Variants in JARID2 observed in about 807,000 individuals in gnomAD.
JARID2 encodes protein Jumonji.
A neutral mutation model predicts 125.6 loss-of-function variants in JARID2; 21 were observed. The observed-to-expected ratio is 0.17, with a 90% confidence interval of 0.12 to 0.24. JARID2 has a LOEUF of 0.24. JARID2 is among the 10% of genes least tolerant of loss of function. The probability of loss-of-function intolerance (pLI) is 1.00; values close to 1 mark genes in which losing one functional copy is unlikely to be tolerated. For missense variants in JARID2, 1,303 were observed against 1,639.6 expected, an observed-to-expected ratio of 0.79 and a Z score of 3.55; for synonymous variants, 736 against 661.6, an observed-to-expected ratio of 1.11 and a Z score of -1.73.
chr6:15,249,681 C>CG (rs777668325), intron 1 of JARID2, among the ~76,000 whole-genome samples: 38 of 152,120 alleles, frequency 2.5e-4, no homozygotes, highest in Non-Finnish European at 4.9e-4. Flanking sequence ...CTCAAAAGCC[C>CG]GGGATGCCTG....
At chr6:15,491,313 T>C (rs1241873712) in intron 6 of JARID2, among the ~76,000 whole-genome samples, 1 of 152,224 alleles carries the variant, frequency 6.6e-6, no homozygotes, top group African/African-American at 2.4e-5. Context: ...GCATCTCTTT[T>C]AGAGCACATT....
intron 1 of JARID2, among the ~76,000 whole-genome samples, chr6:15,285,564 C>CATATAT (rs34425330): frequency 2.4e-4 from 36 of 150,784 alleles, no homozygotes; most frequent in African/African-American, 8.5e-4. Flanking sequence ...GAAAAAAATA[C>CATATAT]ATATATATAT....
At chr6:15,477,819 A>G (rs571867479) in intron 5 of JARID2, among the ~76,000 whole-genome samples, 5 of 152,220 alleles carry the variant, frequency 3.3e-5, no homozygotes, top group South Asian at 4.1e-4. Flanking sequence ...ATGTGATTGA[A>G]AAGATCTGGT....
At chr6:15,411,991 CAT>C (rs1223570361) in intron 3 of JARID2, among the ~76,000 whole-genome samples, 1 of 152,220 alleles carries the variant, frequency 6.6e-6, no homozygotes, top group African/African-American at 2.4e-5. Flanking sequence ...ACCACAGTGT[CAT>C]GTGGCACCTG....
intron 1 of JARID2, among the ~76,000 whole-genome samples, chr6:15,354,981 A>G (rs912151781): frequency 3.3e-5 from 5 of 152,204 alleles, no homozygotes; most frequent in African/African-American, 7.2e-5. Context: ...ATTGCTGACC[A>G]TGATAAGAGT....
intron 1 of JARID2, among the ~76,000 whole-genome samples, chr6:15,246,846 A>G (rs961903972): frequency 6.6e-6 from 1 of 152,216 alleles, no homozygotes; most frequent in African/African-American, 2.4e-5. Flanking sequence ...ATGAAAGGCA[A>G]GGGATTTTGG....
intron 1 of JARID2, 115 bp downstream of exon 1, chr6:15,246,699 C>T: frequency 1.1e-6 from 1 of 946,838 alleles, no homozygotes; most frequent in Non-Finnish European, 1.6e-6. Flanking sequence ...TCCGATAAGG[C>T]TGTTTCTTTT....
intron 1 of JARID2, among the ~76,000 whole-genome samples, chr6:15,352,599 C>T (rs1317096639): frequency 6.6e-6 from 1 of 152,142 alleles, no homozygotes; most frequent in East Asian, 1.9e-4. Flanking sequence ...GTCCTTTCCA[C>T]CTTACTCTCC....
intron 3 of JARID2, among the ~76,000 whole-genome samples, chr6:15,434,393 C>T (rs1012029351): frequency 1.3e-5 from 2 of 152,066 alleles, no homozygotes; most frequent in Non-Finnish European, 2.9e-5. Flanking sequence ...GGAGCCAGTT[C>T]CCTAGAGGAG....
At chr6:15,485,626 G>A (rs1056233146) in intron 5 of JARID2, among the ~76,000 whole-genome samples, 5 of 150,560 alleles carry the variant, frequency 3.3e-5, no homozygotes, top group Admixed American at 1.3e-4. Flanking sequence ...TACTGTAAAC[G>A]TACCATTTTA....
At chr6:15,470,191 AGT>A (rs1286166455) in intron 5 of JARID2, among the ~76,000 whole-genome samples, 3 of 150,796 alleles carry the variant, frequency 2.0e-5, no homozygotes, top group African/African-American at 4.9e-5. Context: ...AAAAAAAAAA[AGT>A]AGGAAAGAAA....
chr6:15,277,290 A>G (rs1760562100), intron 1 of JARID2, among the ~76,000 whole-genome samples: 1 of 151,978 alleles, frequency 6.6e-6, no homozygotes, highest in African/African-American at 2.4e-5. Context: ...CTTTGATTTT[A>G]TTTACCTATT....
At chr6:15,434,368 A>T (rs1337588671) in intron 3 of JARID2, among the ~76,000 whole-genome samples, 3 of 152,150 alleles carry the variant, frequency 2.0e-5, no homozygotes, top group Non-Finnish European at 4.4e-5. Flanking sequence ...AGTGTTGCAC[A>T]TAGATAGATT....
intron 1 of JARID2, among the ~76,000 whole-genome samples, chr6:15,335,019 A>G (rs754945887): frequency 6.6e-6 from 1 of 152,186 alleles, no homozygotes; most frequent in Non-Finnish European, 1.5e-5. Context: ...ATGGTAATTG[A>G]AAGTCCATAG....
At chr6:15,489,867 T>C (rs1261478852) in intron 6 of JARID2, among the ~76,000 whole-genome samples, 1 of 152,174 alleles carries the variant, frequency 6.6e-6, no homozygotes, top group Non-Finnish European at 1.5e-5. Flanking sequence ...TTTCCCCACT[T>C]TCTCCCTCTT....
At chr6:15,495,787 C>G (rs1449560352) in intron 6 of JARID2, among the ~76,000 whole-genome samples, 1 of 152,080 alleles carries the variant, frequency 6.6e-6, no homozygotes, top group Non-Finnish European at 1.5e-5. Context: ...TTGCATGGCA[C>G]GTGGGGAGGT....
At chr6:15,479,793 T>G (rs1769523633) in intron 5 of JARID2, among the ~76,000 whole-genome samples, 1 of 152,214 alleles carries the variant, frequency 6.6e-6, no homozygotes, top group Admixed American at 6.5e-5. Context: ...ACCTAAGCTG[T>G]GTTCTTGCAG....
intron 3 of JARID2, among the ~76,000 whole-genome samples, chr6:15,444,545 G>C (rs1767584001): frequency 6.6e-6 from 1 of 152,092 alleles, no homozygotes; most frequent in African/African-American, 2.4e-5. Flanking sequence ...GTGGCTGCCA[G>C]GTTTGTAGTG....
chr6:15,505,774 C>A (rs1416433680), intron 9 of JARID2, among the ~76,000 whole-genome samples: 1 of 152,286 alleles, frequency 6.6e-6, no homozygotes, highest in Non-Finnish European at 1.5e-5. Flanking sequence ...GCCGCCACTG[C>A]CTCACCCACC....
Sources: allele counts gnomAD v4.1 joint callset (sites outside exome capture counted in the v4.1 genomes callset), GRCh38; gene constraint gnomAD v4.1.1; transcripts MANE v1.5; gene names NCBI Gene and HGNC (gene_info 2026-07-23, HGNC 2026-07-21).